The following ITGAX variants were observed in gnomAD, a reference collection of about 807,000 sequenced individuals.
The protein encoded by ITGAX is integrin alpha-X.
In ITGAX, 99 loss-of-function variants were observed where a neutral mutation model predicts 140.2. The ratio of observed to expected loss-of-function variants is 0.71; its 90% CI spans 0.60 to 0.83. The LOEUF is 0.83. Ranked by LOEUF, ITGAX falls within the 40% of genes least tolerant of loss-of-function variation. ITGAX has a pLI of 0.00. For missense variants in ITGAX, 1,444 were observed against 1,482.0 expected, an observed-to-expected ratio of 0.97 and a Z score of 0.42; for synonymous variants, 631 against 600.4, an observed-to-expected ratio of 1.05 and a Z score of -0.75.
Position 31,371,791 on chromosome 16 carries a change from C to G in ITGAX, c.2160+7C>G, listed in dbSNP as rs775410916. ...CTTCAACCTGCTGCTCCCGGTGCGT[C>G]TGGGCATGAACGTGGGTGGCGGCCG... On this transcript the variant is annotated splice_region_variant and intron_variant, in intron 17 of 29. Coordinates refer to ENST00000268296, the MANE Select transcript of ITGAX (RefSeq NM_000887.5). 1 of 1,613,592 alleles carries G rather than the reference C, an allele frequency of 6.2e-7. No individual in the cohort carries two copies. Among genetic ancestry groups the G allele is most frequent in the South Asian group, 1.1e-5 (1 of 91,056 alleles).
Position 31,363,188 on chromosome 16 carries a change from T to C in ITGAX, c.1524T>C (p.Ala508=). 5 of 1,611,346 alleles carry C rather than the reference T, an allele frequency of 3.1e-6. No individual in the cohort carries two copies. The highest frequency in any genetic ancestry group is 4.2e-6 in the Non-Finnish European group (5 of 1,178,840). Residue 508 remains alanine (A), a synonymous_variant, in exon 14 of 30, where the codon GCT becomes GCC. Transcript: ENST00000268296. ...AGTGGAGAAGGTGGTGGTGTGATGC[T>C]GTTCTCTACGGGGAGCAGGGCCACC... ...PRGWRRWWCD[A]VLYGEQGHPW...
chr16:31,371,751 G>C lies in ITGAX; in HGVS notation c.2127G>C (p.Lys709Asn). The change falls in exon 17 of 30, where the codon AAG becomes AAC. Residue 709 changes from lysine to asparagine, a missense_variant. Lys to Asn is a moderately conservative substitution (Grantham distance 94). Coordinates refer to ENST00000268296, the MANE Select transcript of ITGAX (RefSeq NM_000887.5). ...SLSRVRVLGL[K>N]AHCENFNLLL... Reference sequence around the variant, plus strand: ...GCCGAGTCCGAGTCCTCGGGCTGAAGGCACACTGTGAAAACTTCAACCTGC... The same window carrying C: ...GCCGAGTCCGAGTCCTCGGGCTGAACGCACACTGTGAAAACTTCAACCTGC... 1.2e-6 allele frequency: 2 copies of C among 1,614,110 alleles called. No individual in the cohort carries two copies. Among genetic ancestry groups the C allele is most frequent in the Non-Finnish European group, 1.7e-6 (2 of 1,180,034 alleles).
chr16:31,380,893 T>C lies in ITGAX; in HGVS notation c.3277-4T>C, dbSNP rs1198310555. The C allele has an allele frequency of 1.9e-6, 3 of 1,613,658 alleles. No individual in the cohort carries two copies. Among genetic ancestry groups the C allele is most frequent in the Non-Finnish European group, 1.7e-6 (2 of 1,179,674 alleles). On this transcript the variant is annotated splice_region_variant and splice_polypyrimidine_tract_variant and intron_variant, in intron 28 of 29. Transcript: ENST00000268296. ...GTGCTCTGACAGGGTCACTTCCACT[T>C]CAGACGACAACGGTGCTGGAGAAGT...
At chr16:31,373,140 G>C (rs373074506) in intron 19 of ITGAX, 109 bp from the exon 20 acceptor site, 5 of 746,758 alleles carry the variant, frequency 6.7e-6, no homozygotes, top group African/African-American at 5.6e-5. Context: ...AGAACCCAGG[G>C]GTCCGTCCCC....
rs775080304 is a variant in ITGAX at position 31,371,393 on chromosome 16, G to C, written c.1901G>C (p.Arg634Thr). 1.2e-6 allele frequency: 2 copies of C among 1,614,220 alleles called. No individual in the cohort carries two copies. The highest frequency in any genetic ancestry group is 2.2e-5 in the East Asian group (1 of 44,888). Residue 634 changes from arginine to threonine, a missense_variant, in exon 16 of 30, where the codon AGG becomes ACG. Transcript: ENST00000268296. ...SMQFIPAEIP[R>T]SAFECREQVV... ...CAGTTCATACCTGCCGAGATCCCCAGGTCTGCGTTTGAGTGTCGGGAGCAG... is the reference window on the plus strand; with the variant it reads ...CAGTTCATACCTGCCGAGATCCCCACGTCTGCGTTTGAGTGTCGGGAGCAG...
rs886095532 is a variant in ITGAX, at chr16:31,360,307, T to C, written c.708-3T>C. ...GCCTCTAAGACCTCTCCTTTCCTGA[T>C]AGGCACCGATTGTTCCATGCCTCAT... On this transcript the variant is annotated splice_polypyrimidine_tract_variant and splice_region_variant and intron_variant, in intron 7 of 29. Transcript: ENST00000268296. The C allele has an allele frequency of 1.8e-5, 29 of 1,606,572 alleles. No homozygotes were observed. The highest frequency in any genetic ancestry group is 2.4e-5 in the Non-Finnish European group (28 of 1,176,286).
chr16:31,378,992 T>C (rs1198854721), intron 23 of ITGAX, among the ~76,000 whole-genome samples: 1 of 152,010 alleles, frequency 6.6e-6, no homozygotes, highest in East Asian at 1.9e-4. Context: ...ATTTTTGTAT[T>C]TTTAGTAGAG....
At chr16:31,361,463 A>G in intron 9 of ITGAX, 1 of 670,618 alleles carries the variant, frequency 1.5e-6, no homozygotes, top group East Asian at 2.7e-5. Flanking sequence ...GCTCCACTGC[A>G]GAACAAAAAG....
In ITGAX at chr16:31,355,941, C is replaced by A; in HGVS notation, c.86C>A (p.Ala29Asp). The A allele has an allele frequency of 6.2e-7, 1 of 1,613,896 alleles. No homozygotes were observed. ...GFNLDTEELT[A>D]FRVDSAGFGD... ...AACTTGGACACAGAGGAGCTGACAG[C>A]CTTCCGTGTGGACAGCGCTGGGTTT... The change falls in exon 2 of 30, where the codon GCC becomes GAC. Residue 29 changes from alanine to aspartate, a missense_variant. Physicochemically the swap from Ala to Asp is moderately radical, Grantham distance 126. Coordinates refer to ENST00000268296, the MANE Select transcript of ITGAX (RefSeq NM_000887.5).
rs375368829 is a variant in ITGAX, at chr16:31,360,064, G to C, written c.706G>C (p.Val236Leu). 1.4e-5 allele frequency: 23 copies of C among 1,609,360 alleles called. No individual in the cohort carries two copies. Among genetic ancestry groups the C allele is most frequent in the Non-Finnish European group, 1.5e-5 (18 of 1,179,980 alleles). Residue 236 changes from valine to leucine, a missense_variant and splice_region_variant, in exon 7 of 30, where the codon GTG (valine) becomes CTG (leucine). Transcript: ENST00000268296. ...CACGGCCACCGCCATCCAAAATGTC[G>C]TGTGAGTCCTGATTTCTTCCAGGCA... ...TYTATAIQNVVHRLFHASYGA... is the reference protein window; with the variant it reads ...TYTATAIQNVLHRLFHASYGA...
At position 31,382,228 on chromosome 16, in the gene ITGAX, CTTTTT is replaced by C. The variant is rs61575806; in HGVS notation, c.*332_*336del. 1 of 902,770 alleles carries C rather than the reference CTTTTT, an allele frequency of 1.1e-6. No homozygotes were observed. Among genetic ancestry groups the C allele is most frequent in the Non-Finnish European group, 1.4e-6 (1 of 702,488 alleles). The allele number at this position is 902,770 out of a possible 1,614,324, so 55.9% of individuals were successfully genotyped here. A position where few individuals can be genotyped will look rare whatever the true frequency, so the allele number is the denominator to read the frequency against. Reference sequence around the variant, plus strand: ...GGCACGAATGATCTTTCTTTCCTTTCTTTTTTTTTTTTTTTCTTTTCTTTTTTTTT... The same window carrying C: ...GGCACGAATGATCTTTCTTTCCTTTCTTTTTTTTTTCTTTTCTTTTTTTTT... On this transcript the variant is annotated 3_prime_UTR_variant, in exon 30 of 30. Coordinates refer to ENST00000268296, the MANE Select transcript of ITGAX (RefSeq NM_000887.5).
intron 14 of ITGAX, among the ~76,000 whole-genome samples, chr16:31,368,011 C>G (rs1020158445): frequency 6.6e-6 from 1 of 152,060 alleles, no homozygotes; most frequent in Non-Finnish European, 1.5e-5. Flanking sequence ...TTGAGTGGCT[C>G]AAGGCTTCAG....
intron 14 of ITGAX, among the ~76,000 whole-genome samples, chr16:31,364,975 C>T (rs1567300181): frequency 6.6e-6 from 1 of 151,972 alleles, no homozygotes; most frequent in Non-Finnish European, 1.5e-5. Flanking sequence ...GCCGAGATCG[C>T]GGCACTGCAC....
At position 31,363,371 on chromosome 16, in the gene ITGAX, C is replaced by T; in HGVS notation, c.1707C>T (p.Ser569=). 5.0e-6 allele frequency: 8 copies of T among 1,614,050 alleles called. No homozygotes were observed. Among genetic ancestry groups the T allele is most frequent in the Non-Finnish European group, 6.8e-6 (8 of 1,179,932 alleles). The change falls in exon 14 of 30, where the codon AGC becomes AGT. Residue 569 remains serine (S), a synonymous_variant. Coordinates refer to ENST00000268296, the MANE Select transcript of ITGAX (RefSeq NM_000887.5). ...GACCCAGCATCAGCCCCTCCCACAGCCAGGTGAGGCCGTGTCCCATTTCTG... is the reference window on the plus strand; with the variant it reads ...GACCCAGCATCAGCCCCTCCCACAGTCAGGTGAGGCCGTGTCCCATTTCTG... ...VLGPSISPSH[S]QRIAGSQLSS... is the part of the protein sequence containing the mutation.
intron 2 of ITGAX, 89 bp from the exon 3 acceptor site, chr16:31,356,536 G>C (rs754288584): frequency 3.7e-5 from 29 of 776,562 alleles, no homozygotes; most frequent in Non-Finnish European, 5.8e-5. Flanking sequence ...AGGAAGCTGA[G>C]GCTCAGGGAG....
At chr16:31,373,429 C>T (rs377599313) in intron 20 of ITGAX, 39 bp downstream of exon 20, 137 of 1,584,240 alleles carry the variant, frequency 8.6e-5, no homozygotes, top group Non-Finnish European at 1.1e-4. Flanking sequence ...CAGGGCTGGG[C>T]GTTAGCGTAG....
At chr16:31,356,944 C>G in intron 3 of ITGAX, 87 bp from the exon 4 acceptor site, 1 of 1,182,230 alleles carries the variant, frequency 8.5e-7, no homozygotes, top group Non-Finnish European at 1.2e-6. Flanking sequence ...ACCTCCTTGT[C>G]TCCCAGGTGG....
rs770533015 is a variant in ITGAX, at chr16:31,357,350, C to T, written c.416C>T (p.Pro139Leu). 8.7e-5 allele frequency: 140 copies of T among 1,602,336 alleles called. 1 individual carries two copies. In the South Asian group the frequency reaches 1.4e-3, roughly 16 times the overall value. The change falls in exon 5 of 30, where the codon CCG (proline) becomes CTG (leucine). Residue 139 changes from proline to leucine, a missense_variant. Transcript: ENST00000268296. ...LGPTQLTQRL[P>L]VSRQECPRQE... is the part of the protein sequence containing the mutation. ...CCCACCCAGCTCACCCAGAGGCTCCCGGTGTCCAGGCAGGGTGAGTGTCGG... is the reference window on the plus strand; with the variant it reads ...CCCACCCAGCTCACCCAGAGGCTCCTGGTGTCCAGGCAGGGTGAGTGTCGG...
chr16:31,371,049 T>G lies in ITGAX; in HGVS notation c.1711-35T>G, dbSNP rs755538126. The G allele has an allele frequency of 9.3e-6, 15 of 1,613,080 alleles. No individual in the cohort carries two copies. In the South Asian group the frequency reaches 1.6e-4, roughly 18 times the overall value. On this transcript the variant is annotated intron_variant, in intron 14 of 29. Transcript: ENST00000268296. ...CTTATTTCCAACTTCTTCCCCTACT[T>G]TCCATCTTGATTCACCCTTCTCTCC...
Sources: gnomAD v4.1 joint callset for allele counts (sites outside exome capture counted in the v4.1 genomes callset) on GRCh38, gnomAD v4.1.1 for gene constraint, MANE v1.5 for transcripts, NCBI Gene and HGNC (gene_info 2026-07-23, HGNC 2026-07-21) for gene names.